Variants in UBXN7 observed in about 807,000 individuals in gnomAD.
UBXN7 encodes UBX domain protein 7, also known as UBX domain-containing protein 7.
UBXN7 carries 9 observed loss-of-function variants against 58.0 expected under a neutral mutation model. The observed-to-expected ratio is 0.16, with a 90% CI of 0.09 to 0.27. UBXN7 has a LOEUF of 0.27. UBXN7 is among the 10% of genes least tolerant of loss of function. UBXN7 has a pLI of 1.00. For synonymous variants in UBXN7, 208 were observed against 205.0 expected (o/e 1.01, Z -0.12); for missense variants, 328 against 599.6 (o/e 0.55, Z 4.73).
chr3:196,424,526 G>A (rs1730788023), intron 1 of UBXN7, among the ~76,000 whole-genome samples: 1 of 150,602 alleles, frequency 6.6e-6, no homozygotes, highest in Non-Finnish European at 1.5e-5. Context: ...AGGATTACAG[G>A]TGCACACCAC....
intron 5 of UBXN7, among the ~76,000 whole-genome samples, chr3:196,372,716 C>A (rs1295379636): frequency 6.6e-6 from 1 of 151,580 alleles, no homozygotes; most frequent in Non-Finnish European, 1.5e-5. Flanking sequence ...CAACAAGTCA[C>A]GTAATTTTAT....
At chr3:196,417,504 C>A (rs147979070) in intron 1 of UBXN7, among the ~76,000 whole-genome samples, 1,761 of 152,134 alleles carry the variant, frequency 0.012, 16 homozygotes, top group Non-Finnish European at 0.018. Flanking sequence ...CCTTCTACTT[C>A]TGTCATTCAC....
In UBXN7 at chr3:196,417,334, A is replaced by G. The variant is rs1245601774; in HGVS notation, c.74-9941T>C. Among the ~76,000 whole-genome samples, 3 of 151,908 alleles carry G rather than the reference A, an allele frequency of 2.0e-5. No individual in the cohort carries two copies. In the East Asian group the frequency reaches 5.8e-4, roughly 29 times the overall value. ...CTCGAAAACTAAATAAATAAATCAA[A>G]TAAATAAATAAATGTATAAAAACCT... On this transcript the variant is annotated intron_variant, in intron 1 of 10. Transcript: ENST00000296328.
rs1728181162 is a variant in UBXN7, at chr3:196,350,350, A to G, written c.*6335T>C. On this transcript the variant is annotated 3_prime_UTR_variant, in exon 11 of 11. Transcript: ENST00000296328. ...GGTATCACAGAGCTAGCCATTCTCT[A>G]TATGAAACCAGAGAATTCTCCTTAA... 6.6e-6 allele frequency: 1 copy of G among 152,214 alleles called. No homozygotes were observed. The allele number at this position is 152,214 out of a possible 1,614,324, so 9.4% of individuals were successfully genotyped here.
chr3:196,411,494 G>C (rs971354310), intron 1 of UBXN7, among the ~76,000 whole-genome samples: 5 of 152,194 alleles, frequency 3.3e-5, no homozygotes, highest in African/African-American at 9.6e-5. Flanking sequence ...AATTTAAAGA[G>C]AAGTGAAAAT....
intron 1 of UBXN7, 37 bp from the exon 2 acceptor site, chr3:196,407,430 A>G: frequency 6.4e-7 from 1 of 1,560,426 alleles, no homozygotes; most frequent in Non-Finnish European, 8.6e-7. Flanking sequence ...CGTTAAAAAA[A>G]AAAAAAAAAA....
intron 1 of UBXN7, 125 bp downstream of exon 1, chr3:196,432,202 G>A: frequency 1.5e-6 from 2 of 1,359,074 alleles, no homozygotes; most frequent in South Asian, 1.2e-5. Context: ...TCTTCCTCAG[G>A]AGGGAGGACG....
chr3:196,388,510 A>AC (rs1455025137), intron 5 of UBXN7, among the ~76,000 whole-genome samples: 1 of 152,020 alleles, frequency 6.6e-6, no homozygotes, highest in Non-Finnish European at 1.5e-5. Flanking sequence ...ATGCAGTCAA[A>AC]CCCTTACTCT....
chr3:196,383,669 G>A (rs1445593138), intron 5 of UBXN7, among the ~76,000 whole-genome samples: 3 of 152,140 alleles, frequency 2.0e-5, no homozygotes, highest in Admixed American at 6.6e-5. Context: ...ACAACTACAT[G>A]GAAACTGAAC....
At chr3:196,393,464 C>CT (rs2108846571) in intron 4 of UBXN7, 90 bp downstream of exon 4, 1 of 1,264,292 alleles carries the variant, frequency 7.9e-7, no homozygotes, top group Admixed American at 2.3e-5. Context: ...AAGGTGAAAA[C>CT]TTAAAAGTAA....
intron 8 of UBXN7, among the ~76,000 whole-genome samples, chr3:196,366,620 T>C (rs1283629462): frequency 1.3e-5 from 2 of 151,958 alleles, no homozygotes; most frequent in Non-Finnish European, 2.9e-5. Flanking sequence ...TTGCTAGGTG[T>C]GGTGCTCACA....
Position 196,403,072 on chromosome 3 carries a change from T to C in UBXN7, c.222-53A>G. 4.0e-6 allele frequency: 6 copies of C among 1,514,670 alleles called. No homozygotes were observed. The South Asian group carries it at 6.0e-5, about 15-fold the overall frequency. The allele number at this position is 1,514,670 out of a possible 1,614,324, so 93.8% of individuals were successfully genotyped here. A position where few individuals can be genotyped will look rare whatever the true frequency, so the allele number is the denominator to read the frequency against. On this transcript the variant is annotated intron_variant, in intron 2 of 10. Coordinates refer to ENST00000296328, the MANE Select transcript of UBXN7 (RefSeq NM_015562.2). ...AATGAAAACTGTTTTCTGCTACCTG[T>C]TTGCTTTCTGTAAATACTGTGAATA...
Position 196,354,532 on chromosome 3 carries a change from AACCTCTCTTCTT to A in UBXN7, c.*2141_*2152del, listed in dbSNP as rs1728294142. The A allele has an allele frequency of 1.3e-5, 2 of 152,208 alleles. No individual in the cohort carries two copies. Among genetic ancestry groups the A allele is most frequent in the East Asian group, 3.8e-4 (2 of 5,198 alleles). The allele number at this position is 152,208 out of a possible 1,614,324, so 9.4% of individuals were successfully genotyped here. On this transcript the variant is annotated 3_prime_UTR_variant, in exon 11 of 11. Coordinates refer to ENST00000296328, the MANE Select transcript of UBXN7 (RefSeq NM_015562.2). The stretch of plus-strand genomic sequence containing the variant: ...TGCCATCAGAGCACAAAGCTGAGCA[AACCTCTCTTCTT>A]ACCCTGTGCCCTCCCTGAATTTTTG...
At chr3:196,380,041 A>T (rs1465561906) in intron 5 of UBXN7, among the ~76,000 whole-genome samples, 2 of 152,146 alleles carry the variant, frequency 1.3e-5, no homozygotes, top group African/African-American at 4.8e-5. Flanking sequence ...CGAGGTCAGG[A>T]GATCGAGACC....
At position 196,362,404 on chromosome 3, in the gene UBXN7, G is replaced by T. The variant is rs1220823418; in HGVS notation, c.1118C>A (p.Thr373Asn). Residue 373 changes from threonine to asparagine, a missense_variant, in exon 9 of 11, where the codon ACT becomes AAT. By Grantham distance (65) the Thr-to-Asn change is moderately conservative (BLOSUM62 0). Around this residue, in one of 4 missense-constraint regions of UBXN7, gnomAD observed 66 missense variants for 77.9 expected, o/e 0.85. Coordinates refer to ENST00000296328, the MANE Select transcript of UBXN7 (RefSeq NM_015562.2). ...GTGGTTTGTGGCTGTTCCAGGATCA[G>T]TTCTGACTGGTGGCTCAGTCAGCGG... The part of the protein sequence containing the change: ...RRPLTEPPVR[T>N]DPGTATNHQG... 1 of 1,614,084 alleles carries T rather than the reference G, an allele frequency of 6.2e-7. No homozygotes were observed. Among genetic ancestry groups the T allele is most frequent in the South Asian group, 1.1e-5 (1 of 91,088 alleles).
In UBXN7 at chr3:196,355,552, C is replaced by G. The variant is rs576559813; in HGVS notation, c.*1133G>C. 6.6e-6 allele frequency: 1 copy of G among 152,234 alleles called. No homozygotes were observed. Among genetic ancestry groups the G allele is most frequent in the African/African-American group, 2.4e-5 (1 of 41,550 alleles). The allele number at this position is 152,234 out of a possible 1,614,324, so 9.4% of individuals were successfully genotyped here. A position where few individuals can be genotyped will look rare whatever the true frequency, so the allele number is the denominator to read the frequency against. On this transcript the variant is annotated 3_prime_UTR_variant, in exon 11 of 11. Coordinates refer to ENST00000296328, the MANE Select transcript of UBXN7 (RefSeq NM_015562.2). ...TTAGAGAGGCTTTCCGTTTTGATACCTTTTGAAAGAAAACAGCATGCGGAC... is the reference window on the plus strand; with the variant it reads ...TTAGAGAGGCTTTCCGTTTTGATACGTTTTGAAAGAAAACAGCATGCGGAC...
At chr3:196,421,967 G>C (rs148954791) in intron 1 of UBXN7, among the ~76,000 whole-genome samples, 19 of 152,292 alleles carry the variant, frequency 1.2e-4, no homozygotes, top group African/African-American at 4.1e-4. Flanking sequence ...GGGAGGTTGA[G>C]GCGGGCAGAT....
At chr3:196,402,425 C>T (rs1305817065) in intron 3 of UBXN7, among the ~76,000 whole-genome samples, 3 of 152,278 alleles carry the variant, frequency 2.0e-5, no homozygotes, top group East Asian at 1.9e-4. Flanking sequence ...TCTATATAAA[C>T]TCATGATTAA....
chr3:196,427,839 C>G (rs755673642), intron 1 of UBXN7, among the ~76,000 whole-genome samples: 12 of 152,148 alleles, frequency 7.9e-5, no homozygotes, highest in Admixed American at 1.3e-4. Flanking sequence ...CAGAAAGCAT[C>G]AGTGGGGCCG....
Sources: gnomAD v4.1 joint callset for allele counts (sites outside exome capture counted in the v4.1 genomes callset) on GRCh38, gnomAD v4.1.1 for gene constraint, gnomAD v4.1.1 regional missense constraint, MANE v1.5 for transcripts, NCBI Gene and HGNC (gene_info 2026-07-23, HGNC 2026-07-21) for gene names.